Variants in SRRM4 observed in about 807,000 individuals in gnomAD.
The protein encoded by SRRM4 is serine/arginine repetitive matrix 4, also known as serine/arginine repetitive matrix protein 4.
SRRM4 carries 33 observed loss-of-function variants against 68.9 expected under a neutral mutation model. The observed-to-expected ratio is 0.48, with a 90% CI of 0.36 to 0.64. SRRM4 has a LOEUF of 0.64. Ranked by LOEUF, SRRM4 falls within the 30% of genes least tolerant of loss-of-function variation. The pLI is 0.00. For synonymous variants in SRRM4, 318 were observed against 318.8 expected, an observed-to-expected ratio of 1.00 and a Z score of 0.03; for missense variants, 817 against 827.1, an observed-to-expected ratio of 0.99 and a Z score of 0.15.
At chr12:118,987,181 C>T (rs1205424641) in intron 1 of SRRM4, among the ~76,000 whole-genome samples, 1 of 152,146 alleles carries the variant, frequency 6.6e-6, no homozygotes, top group Non-Finnish European at 1.5e-5. Context: ...TCAGCCTCCC[C>T]ATCTGTGAAA....
chr12:118,986,600 G>A (rs1023211421), intron 1 of SRRM4, among the ~76,000 whole-genome samples: 2 of 152,120 alleles, frequency 1.3e-5, no homozygotes, highest in South Asian at 2.1e-4. Context: ...CTTGAAAGAC[G>A]CACACACTGC....
intron 1 of SRRM4, among the ~76,000 whole-genome samples, chr12:119,023,147 T>TC (rs1953526588): frequency 6.6e-6 from 1 of 152,184 alleles, no homozygotes; most frequent in East Asian, 1.9e-4. Context: ...ACACTGTCTT[T>TC]CCCCCAATCC....
At chr12:119,073,571 C>T (rs1259247057) in intron 1 of SRRM4, among the ~76,000 whole-genome samples, 1 of 152,100 alleles carries the variant, frequency 6.6e-6, no homozygotes, top group African/African-American at 2.4e-5. Context: ...GTGATCTACC[C>T]ACCTCGGCTT....
At chr12:119,034,951 G>A (rs1953617299) in intron 1 of SRRM4, among the ~76,000 whole-genome samples, 1 of 151,966 alleles carries the variant, frequency 6.6e-6, no homozygotes, top group South Asian at 2.1e-4. Flanking sequence ...TACAATTACG[G>A]TCATAACCAA....
intron 8 of SRRM4, 97 bp from the exon 9 acceptor site, chr12:119,145,284 G>T: frequency 1.4e-5 from 14 of 1,014,242 alleles, no homozygotes; most frequent in East Asian, 2.9e-5. Context: ...CTTTCCTTTC[G>T]TTACAGTGCA....
At chr12:119,034,141 C>A (rs1484200184) in intron 1 of SRRM4, among the ~76,000 whole-genome samples, 1 of 152,156 alleles carries the variant, frequency 6.6e-6, no homozygotes, top group Admixed American at 6.5e-5. Context: ...AGAAGCTGAG[C>A]TGCAAGGAGG....
At chr12:119,007,255 G>A (rs894585712) in intron 1 of SRRM4, among the ~76,000 whole-genome samples, 1 of 152,182 alleles carries the variant, frequency 6.6e-6, no homozygotes, top group Admixed American at 6.5e-5. Context: ...CAAGATTGAG[G>A]AGAGAATATC....
In SRRM4 at chr12:119,162,107, T is replaced by C. The variant is rs1954518152; in HGVS notation, c.*5309T>C. The C allele has an allele frequency of 6.6e-6, 1 of 152,136 alleles. No homozygotes were observed. The allele number at this position is 152,136 out of a possible 1,614,324, so 9.4% of individuals were successfully genotyped here. ...TATATTATCTGCAAGACGTGGGAAA[T>C]GGGGGCTCAAGCCCTGATGCTATGG... On this transcript the variant is annotated 3_prime_UTR_variant, in exon 13 of 13. Coordinates refer to ENST00000267260, the MANE Select transcript of SRRM4 (RefSeq NM_194286.4).
chr12:119,130,834 A>T lies in SRRM4; in HGVS notation c.771A>T (p.Val257=). ...QMLGYLSARG[V]ITGSGSAADL... is the part of the protein sequence containing the mutation. ...TTGGCTACCTGTCAGCCAGGGGTGTAGTAAGTATTCTTCACAGCCTCCTCT... is the reference window on the plus strand; with the variant it reads ...TTGGCTACCTGTCAGCCAGGGGTGTTGTAAGTATTCTTCACAGCCTCCTCT... Residue 257 remains valine (V), a splice_region_variant and synonymous_variant, in exon 8 of 13, where the codon GTA becomes GTT. Coordinates refer to ENST00000267260, the MANE Select transcript of SRRM4 (RefSeq NM_194286.4). 1 of 1,602,606 alleles carries T rather than the reference A, an allele frequency of 6.2e-7. No homozygotes were observed. Among genetic ancestry groups the T allele is most frequent in the South Asian group, 1.1e-5 (1 of 90,564 alleles).
In SRRM4 at chr12:119,105,815, CTTTAG is replaced by C. The variant is rs575889095; in HGVS notation, c.278+3438_278+3442del. On this transcript the variant is annotated intron_variant, in intron 2 of 12. Coordinates refer to ENST00000267260, the MANE Select transcript of SRRM4 (RefSeq NM_194286.4). ...TAGTTTCTTTTGCTGTGCAGAAGCTCTTTAGTTTAATTAGATCCCATTTGTCAATT... is the reference window on the plus strand; with the variant it reads ...TAGTTTCTTTTGCTGTGCAGAAGCTCTTTAATTAGATCCCATTTGTCAATT... 4.3e-3 allele frequency among the ~76,000 whole-genome samples: 655 copies of C among 152,274 alleles called. 2 individuals carry two copies. The highest frequency in any genetic ancestry group is 0.015 in the African/African-American group (626 of 41,540).
Position 119,154,509 on chromosome 12 carries a change from T to TC in SRRM4, c.1532+132dup. ...GATTTAGGATTGTGCGAGCTTATGG[T>TC]CCCCCCAACCCCAACATCATTGAAA... On this transcript the variant is annotated intron_variant, in intron 12 of 12. Coordinates refer to ENST00000267260, the MANE Select transcript of SRRM4 (RefSeq NM_194286.4). This position sits in a 1 kb window ranked among gnomAD's most constrained non-coding sequence, Gnocchi z 4.7. The TC allele has an allele frequency of 1.9e-6, 2 of 1,053,510 alleles. No individual in the cohort carries two copies. The highest frequency in any genetic ancestry group is 2.7e-6 in the Non-Finnish European group (2 of 728,420). 65.3% of individuals were successfully genotyped at this position (1,053,510 alleles called of 1,614,324 possible).
At chr12:119,072,402 T>G (rs1953883481) in intron 1 of SRRM4, among the ~76,000 whole-genome samples, 1 of 152,134 alleles carries the variant, frequency 6.6e-6, no homozygotes, top group African/African-American at 2.4e-5. Flanking sequence ...GCCCAGGCAC[T>G]ATTAGTCCTG....
In SRRM4 at chr12:119,157,947, G is replaced by A. The variant is rs1307039082; in HGVS notation, c.*1149G>A. ...TTGGGGGAAAAGACCCGAATCCAGA[G>A]TGCAGGGGAGAGGGGCTTGGATATG... On this transcript the variant is annotated 3_prime_UTR_variant, in exon 13 of 13. Transcript: ENST00000267260. This position sits in a 1 kb window ranked among gnomAD's most constrained non-coding sequence, Gnocchi z 4.1. The A allele has an allele frequency of 6.5e-6, 1 of 152,834 alleles. No individual in the cohort carries two copies. Among genetic ancestry groups the A allele is most frequent in the Non-Finnish European group, 1.5e-5 (1 of 68,282 alleles). The allele number at this position is 152,834 out of a possible 1,614,324, so 9.5% of individuals were successfully genotyped here. A position where few individuals can be genotyped will look rare whatever the true frequency, so the allele number is the denominator to read the frequency against.
At chr12:119,105,136 A>G (rs996544875) in intron 2 of SRRM4, among the ~76,000 whole-genome samples, 22 of 151,906 alleles carry the variant, frequency 1.4e-4, no homozygotes, top group Non-Finnish European at 3.1e-4. Context: ...ATGTCCTTAC[A>G]AAGGACATGA....
intron 1 of SRRM4, among the ~76,000 whole-genome samples, chr12:119,002,875 T>A (rs1953393449): frequency 6.6e-6 from 1 of 152,038 alleles, no homozygotes; most frequent in African/African-American, 2.4e-5. Flanking sequence ...ACACCCAGCA[T>A]CTATTAGGCG....
intron 9 of SRRM4, among the ~76,000 whole-genome samples, chr12:119,148,112 A>G (rs1954416039): frequency 6.6e-6 from 1 of 152,196 alleles, no homozygotes; most frequent in South Asian, 2.1e-4. Flanking sequence ...AGGTTTTTCT[A>G]CTTCTGAGGG....
chr12:119,031,783 T>C (rs1953593452), intron 1 of SRRM4, among the ~76,000 whole-genome samples: 1 of 152,130 alleles, frequency 6.6e-6, no homozygotes, highest in African/African-American at 2.4e-5. Flanking sequence ...TAATTCATAA[T>C]TTTTGCCCAT....
chr12:119,150,068 AT>A, intron 9 of SRRM4, among the ~76,000 whole-genome samples: 1 of 152,302 alleles, frequency 6.6e-6, no homozygotes, highest in Non-Finnish European at 1.5e-5. Context: ...GGTCATCTTG[AT>A]TTTTACCATA....
At chr12:118,982,166 T>C (rs1953251934) in intron 1 of SRRM4, among the ~76,000 whole-genome samples, 153 bp downstream of exon 1, 1 of 152,146 alleles carries the variant, frequency 6.6e-6, no homozygotes, top group African/African-American at 2.4e-5. Context: ...TGGGAACTCA[T>C]TGCTTGTGTG....
Sources: allele counts gnomAD v4.1 joint callset (sites outside exome capture counted in the v4.1 genomes callset), GRCh38; gene constraint gnomAD v4.1.1; non-coding constraint Gnocchi (gnomAD v3.1); transcripts MANE v1.5; gene names NCBI Gene and HGNC (gene_info 2026-07-23, HGNC 2026-07-21).